Variants in NFIB observed in about 807,000 individuals in gnomAD.
NFIB encodes nuclear factor 1 B-type.
In NFIB, 11 loss-of-function variants were observed where a neutral mutation model predicts 61.5. The observed-to-expected ratio is 0.18, with a 90% CI of 0.11 to 0.30. The LOEUF (loss-of-function observed/expected upper bound fraction) is 0.30, where lower values mean the gene tolerates loss of function less well. NFIB is among the 10% of genes least tolerant of loss of function. NFIB has a pLI of 1.00. For missense variants in NFIB, 471 were observed against 608.9 expected, an observed-to-expected ratio of 0.77 and a Z score of 2.38; for synonymous variants, 260 against 216.5, an observed-to-expected ratio of 1.20 and a Z score of -1.76.
chr9:14,114,251 C>G (rs2037805594), intron 9 of NFIB, among the ~76,000 whole-genome samples: 1 of 152,158 alleles, frequency 6.6e-6, no homozygotes. Context: ...AGGGGACATG[C>G]AAGGCAGCCA....
intron 2 of NFIB, among the ~76,000 whole-genome samples, chr9:14,242,833 T>C (rs1386877769): frequency 1.3e-5 from 2 of 152,150 alleles, no homozygotes; most frequent in East Asian, 1.9e-4. Context: ...AAAAGAAAGT[T>C]TGGAAAGAAA....
intron 10 of NFIB, among the ~76,000 whole-genome samples, chr9:14,093,934 C>T (rs1174115481): frequency 2.0e-5 from 3 of 152,030 alleles, no homozygotes; most frequent in African/African-American, 7.2e-5. Context: ...CAGTTGCTAG[C>T]ACTTATATAA....
chr9:14,103,608 C>A (rs994534903), intron 10 of NFIB, among the ~76,000 whole-genome samples: 1 of 152,020 alleles, frequency 6.6e-6, no homozygotes, highest in Non-Finnish European at 1.5e-5. Flanking sequence ...CTTTACTTTC[C>A]CTTTTAGACT....
At chr9:14,208,590 T>G (rs2049996106) in intron 2 of NFIB, among the ~76,000 whole-genome samples, 1 of 151,920 alleles carries the variant, frequency 6.6e-6, no homozygotes, top group South Asian at 2.1e-4. Flanking sequence ...TAAGGACTCT[T>G]CACAAGTACT....
chr9:14,514,215 A>G, the NFIB span, among the ~76,000 whole-genome samples: 13 of 152,080 alleles, frequency 8.5e-5, no homozygotes, highest in African/African-American at 2.9e-4. Flanking sequence ...CAAGGATCTG[A>G]TATATGTTGA....
the NFIB span, among the ~76,000 whole-genome samples, chr9:14,472,618 G>C: frequency 6.6e-6 from 1 of 152,084 alleles, no homozygotes; most frequent in African/African-American, 2.4e-5. Context: ...AGGGCAGGTG[G>C]ATCACGAGGT....
At chr9:14,437,528 G>A in the NFIB span, among the ~76,000 whole-genome samples, 7 of 152,210 alleles carry the variant, frequency 4.6e-5, no homozygotes, top group Admixed American at 3.3e-4. Flanking sequence ...TAAGATGACT[G>A]TTTACCAGGG....
chr9:14,190,333 C>T (rs981520855), intron 2 of NFIB, among the ~76,000 whole-genome samples: 3 of 152,130 alleles, frequency 2.0e-5, no homozygotes, highest in Non-Finnish European at 4.4e-5. Flanking sequence ...TAAGATGATG[C>T]ATAGCCTACT....
At chr9:14,302,286 A>C (rs1167051849) in intron 2 of NFIB, among the ~76,000 whole-genome samples, 1 of 152,244 alleles carries the variant, frequency 6.6e-6, no homozygotes, top group Non-Finnish European at 1.5e-5. Flanking sequence ...GAAGAAAATA[A>C]TTCTTAGCAT....
At chr9:14,236,370 G>C (rs1318777274) in intron 2 of NFIB, among the ~76,000 whole-genome samples, 1 of 152,122 alleles carries the variant, frequency 6.6e-6, no homozygotes, top group African/African-American at 2.4e-5. Flanking sequence ...TAGTGATTGA[G>C]ACAGAAATTA....
intron 2 of NFIB, among the ~76,000 whole-genome samples, chr9:14,201,753 A>C (rs911696110): frequency 5.3e-5 from 8 of 152,212 alleles, no homozygotes; most frequent in African/African-American, 1.9e-4. Flanking sequence ...ATCCATGAAG[A>C]AACTGAGACA....
chr9:14,251,493 G>A (rs2055613409), intron 2 of NFIB, among the ~76,000 whole-genome samples: 1 of 152,178 alleles, frequency 6.6e-6, no homozygotes, highest in Non-Finnish European at 1.5e-5. Flanking sequence ...GTATTCAAAG[G>A]CCAAGTTCCA....
chr9:14,280,592 G>C (rs1286134098), intron 2 of NFIB, among the ~76,000 whole-genome samples: 2 of 152,090 alleles, frequency 1.3e-5, no homozygotes, highest in African/African-American at 4.8e-5. Context: ...AAAAGAATAA[G>C]GCAATTCATT....
intron 1 of NFIB, chr9:14,357,992 T>C (rs563245906): frequency 6.6e-6 from 1 of 152,086 alleles, no homozygotes; most frequent in Non-Finnish European, 1.5e-5. Flanking sequence ...TGGGGAGAGT[T>C]TGGGGAGCCT....
At chr9:14,259,020 G>C (rs1200458218) in intron 2 of NFIB, among the ~76,000 whole-genome samples, 6 of 152,094 alleles carry the variant, frequency 3.9e-5, no homozygotes, top group African/African-American at 1.4e-4. Context: ...TATGGGGAGT[G>C]GGGGAGTGGT....
chr9:14,148,115 T>G (rs1025208395), intron 5 of NFIB, among the ~76,000 whole-genome samples: 4 of 152,078 alleles, frequency 2.6e-5, no homozygotes, highest in African/African-American at 9.7e-5. Context: ...AAGTGAATTC[T>G]TTTCTTTTTT....
At chr9:14,473,029 C>A in the NFIB span, among the ~76,000 whole-genome samples, 1 of 152,278 alleles carries the variant, frequency 6.6e-6, no homozygotes, top group East Asian at 1.9e-4. Context: ...AAAGGGGAAT[C>A]CGATGTTCAG....
chr9:14,204,337 C>T lies in NFIB; in HGVS notation c.563-24557G>A, dbSNP rs570819841. On this transcript the variant is annotated intron_variant, in intron 2 of 10. Transcript: ENST00000380953. ...AGGAGGCCAAGAAAGTGGTCAACCC[C>T]CTGTTTGAGAAAAGGCCTAAGAATT... 118 of 765,656 alleles carry T rather than the reference C, an allele frequency of 1.5e-4. 1 individual carries two copies. In the East Asian group the frequency reaches 1.8e-3, roughly 12 times the overall value. 47.4% of individuals were successfully genotyped at this position (765,656 alleles called of 1,614,324 possible). A position where few individuals can be genotyped will look rare whatever the true frequency, so the allele number is the denominator to read the frequency against.
the NFIB span, among the ~76,000 whole-genome samples, chr9:14,473,822 T>C: frequency 6.6e-6 from 1 of 152,234 alleles, no homozygotes; most frequent in Non-Finnish European, 1.5e-5. Context: ...GAAAAACTCA[T>C]AGATTTGTTT....
Sources: allele counts gnomAD v4.1 joint callset (sites outside exome capture counted in the v4.1 genomes callset), GRCh38; gene constraint gnomAD v4.1.1; transcripts MANE v1.5; gene names NCBI Gene and HGNC (gene_info 2026-07-23, HGNC 2026-07-21).